Variants in MAP4K5 observed in about 807,000 individuals in gnomAD.
MAP4K5 encodes the protein MAPK/ERK kinase kinase kinase 5.
A neutral mutation model predicts 135.6 loss-of-function variants in MAP4K5; 82 were observed. The ratio of observed to expected loss-of-function variants is 0.60; its 90% CI spans 0.51 to 0.73. The LOEUF is 0.73. Ranked by LOEUF, MAP4K5 falls within the 30% of genes least tolerant of loss-of-function variation. The pLI is 0.00. For synonymous variants in MAP4K5, 347 were observed against 335.0 expected, an observed-to-expected ratio of 1.04 and a Z score of -0.39; for missense variants, 907 against 1,010.9, an observed-to-expected ratio of 0.90 and a Z score of 1.39.
intron 3 of MAP4K5, among the ~76,000 whole-genome samples, chr14:50,487,243 G>A (rs758206894): frequency 2.0e-5 from 3 of 152,182 alleles, no homozygotes; most frequent in Non-Finnish European, 4.4e-5. Flanking sequence ...GGGAGGCGGA[G>A]GTCGCAGTGA....
intron 1 of MAP4K5, chr14:50,559,553 T>C (rs538082138): frequency 6.6e-6 from 1 of 152,406 alleles, no homozygotes; most frequent in African/African-American, 2.4e-5. Flanking sequence ...CTGGACCTTA[T>C]CTTTGCAAAT....
intron 28 of MAP4K5, 143 bp downstream of exon 28, chr14:50,434,251 C>T (rs941050617): frequency 2.1e-5 from 13 of 615,038 alleles, no homozygotes; most frequent in Non-Finnish European, 3.3e-5. Flanking sequence ...TATACGTACA[C>T]GGTTCTATGG....
At chr14:50,517,701 G>A (rs1164692806) in intron 2 of MAP4K5, among the ~76,000 whole-genome samples, 2 of 151,944 alleles carry the variant, frequency 1.3e-5, no homozygotes, top group East Asian at 2.0e-4. Flanking sequence ...CCCGGGAGGC[G>A]GAGGTTGCAG....
chr14:50,462,661 T>C lies in MAP4K5; in HGVS notation c.936+4A>G, dbSNP rs2036737015. 4 of 1,586,670 alleles carry C rather than the reference T, an allele frequency of 2.5e-6. No homozygotes were observed. Among genetic ancestry groups the C allele is most frequent in the Non-Finnish European group, 3.4e-6 (4 of 1,162,652 alleles). ...CAACTATGAGACTGCAAACACTTCC[T>C]TACCTCAAAGTCATCGTCATCTGCT... On this transcript the variant is annotated splice_donor_region_variant and intron_variant, in intron 13 of 32. Coordinates refer to ENST00000682126, the MANE Select transcript of MAP4K5 (RefSeq NM_006575.6).
intron 6 of MAP4K5, among the ~76,000 whole-genome samples, chr14:50,477,354 T>C (rs942470887): frequency 6.6e-6 from 1 of 152,220 alleles, no homozygotes; most frequent in Non-Finnish European, 1.5e-5. Flanking sequence ...AATTTATTAG[T>C]TCTAGTAGCT....
intron 1 of MAP4K5, chr14:50,560,465 C>T (rs552197060): frequency 8.7e-6 from 8 of 915,764 alleles, no homozygotes; most frequent in Non-Finnish European, 1.2e-5. Flanking sequence ...GAACCATGGC[C>T]GAGCGGTACC....
intron 1 of MAP4K5, 64 bp from the exon 2 acceptor site, chr14:50,532,222 C>T (rs944950319): frequency 3.5e-6 from 2 of 564,352 alleles, no homozygotes; most frequent in South Asian, 4.2e-5. Flanking sequence ...GGCCCGCGCC[C>T]TCGCGGCCCG....
intron 2 of MAP4K5, among the ~76,000 whole-genome samples, chr14:50,509,838 A>G (rs1439327899): frequency 1.3e-5 from 2 of 152,164 alleles, no homozygotes; most frequent in Non-Finnish European, 2.9e-5. Flanking sequence ...TAAAATTTTC[A>G]CTGGACTCCT....
chr14:50,472,328 T>C (rs2036984255), intron 9 of MAP4K5: 1 of 152,192 alleles, frequency 6.6e-6, no homozygotes, highest in African/African-American at 2.4e-5. Context: ...ATAGAAATCC[T>C]AGGAATGTAA....
At chr14:50,530,157 G>C (rs958058294) in intron 2 of MAP4K5, among the ~76,000 whole-genome samples, 2 of 152,144 alleles carry the variant, frequency 1.3e-5, no homozygotes. Flanking sequence ...TGAGGGTAGG[G>C]GACCATGTGT....
chr14:50,424,850 C>T (rs972710703), intron 31 of MAP4K5, among the ~76,000 whole-genome samples: 4 of 151,552 alleles, frequency 2.6e-5, no homozygotes, highest in Admixed American at 1.3e-4. Context: ...AATAATTAAC[C>T]ATATGATAAT....
At chr14:50,510,611 A>C (rs887501000) in intron 2 of MAP4K5, among the ~76,000 whole-genome samples, 1 of 152,232 alleles carries the variant, frequency 6.6e-6, no homozygotes, top group Non-Finnish European at 1.5e-5. Context: ...ACAATACATT[A>C]TTTTAAATAG....
chr14:50,556,159 G>A (rs1177036818), intron 1 of MAP4K5, among the ~76,000 whole-genome samples: 1 of 152,090 alleles, frequency 6.6e-6, no homozygotes, highest in Non-Finnish European at 1.5e-5. Flanking sequence ...AAAAACATTT[G>A]TATTTTAAAA....
At chr14:50,534,642 C>T (rs73289858), upstream of MAP4K5, among the ~76,000 whole-genome samples, 967 of 152,314 alleles carry the variant, frequency 6.3e-3, 6 homozygotes, top group African/African-American at 0.022. Context: ...GACCATCAAC[C>T]TAGAGGCAGA....
Position 50,425,934 on chromosome 14 carries a change from C to A in MAP4K5, c.2370G>T (p.Met790Ile). ...CATCTGACTTGAAGCTTTTACCCTG[C>A]ATCCCATGTTTCCAGAAAGCCAACA... ...DSVLAFWKHG[M>I]QGKSFKSDEV... The change falls in exon 31 of 33, where the codon ATG (methionine) becomes ATT (isoleucine). Residue 790 changes from methionine to isoleucine, a missense_variant. This residue lies in a region of MAP4K5 where 690 missense variants were observed against 777.4 expected (regional missense o/e 0.89). Transcript: ENST00000682126. 6.2e-7 allele frequency: 1 copy of A among 1,612,850 alleles called. No individual in the cohort carries two copies. The highest frequency in any genetic ancestry group is 8.5e-7 in the Non-Finnish European group (1 of 1,179,274).
Position 50,490,130 on chromosome 14 carries a change from AGTGT to A in MAP4K5, c.167-3940_167-3937del, listed in dbSNP as rs34549753. 6.7e-3 allele frequency among the ~76,000 whole-genome samples: 810 copies of A among 121,132 alleles called. 9 individuals carry two copies. Among genetic ancestry groups the A allele is most frequent in the Middle Eastern group, 7.8e-3 (2 of 258 alleles). The allele number at this position is 121,132 out of a possible 152,430, so 79.5% of individuals were successfully genotyped here. On this transcript the variant is annotated intron_variant, in intron 3 of 32. Transcript: ENST00000682126. ...CAGAGAGAGACAGAGAGCGAGTGAG[AGTGT>A]GTGTGTGTGTGTGTGTGTGTGTGTG...
rs766457991 is a variant in MAP4K5 at position 50,425,906 on chromosome 14, C to T, written c.2397+1G>A. 12 of 1,609,104 alleles carry T rather than the reference C, an allele frequency of 7.5e-6. No individual in the cohort carries two copies. Among genetic ancestry groups the T allele is most frequent in the Non-Finnish European group, 1.0e-5 (12 of 1,176,582 alleles). ...AGTGGAGGTAATCTGAGAAGGCTTA[C>T]CTCATCTGACTTGAAGCTTTTACCC... On this transcript the variant is annotated splice_donor_variant, in intron 31 of 32. Coordinates refer to ENST00000682126, the MANE Select transcript of MAP4K5 (RefSeq NM_006575.6). LOFTEE classifies it high-confidence loss of function.
chr14:50,448,766 A>G lies in MAP4K5; in HGVS notation c.1074+8T>C, dbSNP rs200180541. ...TGTGAAAATAATGCTTTAAAAATGA[A>G]TTCTTACCATTTCATCTCGTGCTTC... On this transcript the variant is annotated splice_region_variant and intron_variant, in intron 15 of 32. Transcript: ENST00000682126. 1 of 1,531,956 alleles carries G rather than the reference A, an allele frequency of 6.5e-7. No individual in the cohort carries two copies. The highest frequency in any genetic ancestry group is 8.9e-7 in the Non-Finnish European group (1 of 1,128,982). The allele number at this position is 1,531,956 out of a possible 1,614,324, so 94.9% of individuals were successfully genotyped here. A position where few individuals can be genotyped will look rare whatever the true frequency, so the allele number is the denominator to read the frequency against.
chr14:50,490,977 C>T (rs1352154167), intron 3 of MAP4K5, among the ~76,000 whole-genome samples: 2 of 151,626 alleles, frequency 1.3e-5, no homozygotes, highest in African/African-American at 4.8e-5. Flanking sequence ...AGCCTTCATA[C>T]TCTGGGGATG....
Sources: gnomAD v4.1 joint callset for allele counts (sites outside exome capture counted in the v4.1 genomes callset) on GRCh38, gnomAD v4.1.1 for gene constraint, gnomAD v4.1.1 regional missense constraint, MANE v1.5 for transcripts, NCBI Gene and HGNC (gene_info 2026-07-23, HGNC 2026-07-21) for gene names.